PDE9A: variants seen among roughly 807,000 people sequenced by gnomAD.
PDE9A encodes the protein phosphodiesterase 9A.
In PDE9A, 60 loss-of-function variants were observed where a neutral mutation model predicts 87.4. The ratio of observed to expected loss-of-function variants is 0.69; its 90% CI spans 0.56 to 0.85. The LOEUF (loss-of-function observed/expected upper bound fraction) is 0.85. Among genes scored for constraint, PDE9A ranks in the 40% least tolerant of loss-of-function variants. PDE9A has a pLI of 0.00. For synonymous variants in PDE9A, 272 were observed against 279.4 expected, an observed-to-expected ratio of 0.97 and a Z score of 0.27; for missense variants, 665 against 779.0, an observed-to-expected ratio of 0.85 and a Z score of 1.74.
intron 19 of PDE9A, among the ~76,000 whole-genome samples, chr21:42,773,597 C>G (rs1049152176): frequency 6.6e-6 from 1 of 151,538 alleles, no homozygotes. Context: ...ACGAGGAGAT[C>G]GAGACCATCC....
At chr21:42,682,027 C>T (rs557859335) in intron 1 of PDE9A, among the ~76,000 whole-genome samples, 31 of 152,234 alleles carry the variant, frequency 2.0e-4, no homozygotes, top group Non-Finnish European at 2.9e-4. Flanking sequence ...GCGAAGAGCG[C>T]GGCTGTCCAA....
At chr21:42,726,624 A>ATATATATATATTTTTT in intron 4 of PDE9A, among the ~76,000 whole-genome samples, 8 of 19,776 alleles carry the variant, frequency 4.0e-4, no homozygotes, top group African/African-American at 1.7e-3. Context: ...ATATATATAT[A>ATATATATATATTTTTT]TTTTTTTTTT....
intron 19 of PDE9A, among the ~76,000 whole-genome samples, chr21:42,774,965 G>A (rs1051516062): frequency 1.1e-4 from 16 of 149,924 alleles, no homozygotes; most frequent in South Asian, 2.1e-4. Flanking sequence ...TTTGTGAGAC[G>A]GAGTCTCGCT....
intron 3 of PDE9A, among the ~76,000 whole-genome samples, chr21:42,693,298 TC>T (rs1343671157): frequency 7.8e-6 from 1 of 127,614 alleles, no homozygotes; most frequent in Non-Finnish European, 1.6e-5. Context: ...CACCCAGGAA[TC>T]TTTTTTTTTT....
In PDE9A at chr21:42,760,773, C is replaced by A; in HGVS notation, c.1003-52C>A. The A allele has an allele frequency of 6.9e-5, 67 of 971,126 alleles. No homozygotes were observed. Among genetic ancestry groups the A allele is most frequent in the Non-Finnish European group, 1.0e-4 (60 of 598,288 alleles). 60.2% of individuals were successfully genotyped at this position (971,126 alleles called of 1,614,324 possible). A position where few individuals can be genotyped will look rare whatever the true frequency, so the allele number is the denominator to read the frequency against. The stretch of plus-strand genomic sequence containing the variant: ...CCAATTCCACCCCCCCTCACCCCAT[C>A]CCACCCTCCGAGTGAAGAGAGCAAA... On this transcript the variant is annotated intron_variant, in intron 12 of 19. Coordinates refer to ENST00000291539, the MANE Select transcript of PDE9A (RefSeq NM_002606.3). The surrounding 1 kb of genome is among the most constrained non-coding windows in gnomAD (Gnocchi z 5.2).
chr21:42,653,965 G>T (rs1204143421), intron 1 of PDE9A, 82 bp downstream of exon 1: 2 of 784,974 alleles, frequency 2.5e-6, no homozygotes, highest in East Asian at 7.1e-5. Context: ...GGGACTGTCC[G>T]TGCGTCTGCC....
Position 42,769,554 on chromosome 21 carries a change from A to G in PDE9A, c.1590+399A>G, listed in dbSNP as rs879129463. On this transcript the variant is annotated intron_variant, in intron 17 of 19. Coordinates refer to ENST00000291539, the MANE Select transcript of PDE9A (RefSeq NM_002606.3). The stretch of plus-strand genomic sequence containing the variant: ...CACACACAGGCACACAAATGCACAC[A>G]CAGGCACACACACACACACACATGC... Among the ~76,000 whole-genome samples the G allele has an allele frequency of 1.9e-3, 203 of 108,628 alleles. 1 individual carries two copies. Among genetic ancestry groups the G allele is most frequent in the African/African-American group, 5.6e-3 (133 of 23,564 alleles). The allele number at this position is 108,628 out of a possible 152,430, so 71.3% of individuals were successfully genotyped here. A position where few individuals can be genotyped will look rare whatever the true frequency, so the allele number is the denominator to read the frequency against.
rs986558290 is a variant in PDE9A, at chr21:42,694,134, T to C, written c.219-4834T>C. On this transcript the variant is annotated intron_variant, in intron 3 of 19. Coordinates refer to ENST00000291539, the MANE Select transcript of PDE9A (RefSeq NM_002606.3). This position sits in a 1 kb window ranked among gnomAD's most constrained non-coding sequence, Gnocchi z 5.3. ...GCTGAAACATGCTGGGTAAACTCTT[T>C]GTTTCTTCCTAGCAGACAGCAGCCC... is the stretch of plus-strand genomic sequence containing the variant. Among the ~76,000 whole-genome samples, 2 of 152,180 alleles carry C rather than the reference T, an allele frequency of 1.3e-5. No homozygotes were observed. Among genetic ancestry groups the C allele is most frequent in the African/African-American group, 4.8e-5 (2 of 41,446 alleles).
At position 42,754,076 on chromosome 21, in the gene PDE9A, G is replaced by A. The variant is rs1301498049; in HGVS notation, c.810+12G>A. On this transcript the variant is annotated intron_variant, in intron 10 of 19. Coordinates refer to ENST00000291539, the MANE Select transcript of PDE9A (RefSeq NM_002606.3). Reference sequence around the variant, plus strand: ...GGGAGCCCAATGAGGTAAGTGCGGGGCTTGCAGGCACCACGTCCCAGGGGG... The same window carrying A: ...GGGAGCCCAATGAGGTAAGTGCGGGACTTGCAGGCACCACGTCCCAGGGGG... The A allele has an allele frequency of 1.3e-6, 2 of 1,598,728 alleles. No homozygotes were observed. Among genetic ancestry groups the A allele is most frequent in the Non-Finnish European group, 1.7e-6 (2 of 1,167,018 alleles).
chr21:42,712,708 G>C (rs1342360993), intron 4 of PDE9A, among the ~76,000 whole-genome samples: 1 of 152,144 alleles, frequency 6.6e-6, no homozygotes, highest in Non-Finnish European at 1.5e-5. Flanking sequence ...TTTTCTGAGA[G>C]TTTTTTGTCT....
chr21:42,678,545 TAAA>T (rs2058980640), intron 1 of PDE9A, among the ~76,000 whole-genome samples: 1 of 152,094 alleles, frequency 6.6e-6, no homozygotes, highest in African/African-American at 2.4e-5. Flanking sequence ...ACAACCACCT[TAAA>T]GAAGGGAAAG....
In PDE9A at chr21:42,692,093, G is replaced by A. The variant is rs954858352; in HGVS notation, c.218+4099G>A. Among the ~76,000 whole-genome samples the A allele has an allele frequency of 6.6e-6, 1 of 152,200 alleles. No homozygotes were observed. The highest frequency in any genetic ancestry group is 1.5e-5 in the Non-Finnish European group (1 of 68,034). On this transcript the variant is annotated intron_variant, in intron 3 of 19. Coordinates refer to ENST00000291539, the MANE Select transcript of PDE9A (RefSeq NM_002606.3). The surrounding 1 kb of genome is among the most constrained non-coding windows in gnomAD (Gnocchi z 4.3). The stretch of plus-strand genomic sequence containing the variant: ...CTCACTGCTGCTGGCCCCGCTGGAC[G>A]GTCTTCTCTCATAGGAAGGAAATTT...
intron 19 of PDE9A, 51 bp downstream of exon 19, chr21:42,772,571 C>A: frequency 8.0e-7 from 1 of 1,252,678 alleles, no homozygotes; most frequent in Non-Finnish European, 1.1e-6. Flanking sequence ...ATGATTCTGA[C>A]AAAGGACAGA....
At chr21:42,741,258 T>A (rs955436904) in intron 7 of PDE9A, 1 of 152,262 alleles carries the variant, frequency 6.6e-6, no homozygotes, top group African/African-American at 2.4e-5. Context: ...GGAGGCCACG[T>A]TGGGCTTCCC....
chr21:42,726,624 A>ATATATATATATATTT, intron 4 of PDE9A, among the ~76,000 whole-genome samples: 2 of 19,770 alleles, frequency 1.0e-4, no homozygotes, highest in Non-Finnish European at 1.5e-4. Flanking sequence ...ATATATATAT[A>ATATATATATATATTT]TTTTTTTTTT....
At chr21:42,698,872 G>T (rs1379204794) in intron 3 of PDE9A, 96 bp from the exon 4 acceptor site, 4 of 696,650 alleles carry the variant, frequency 5.7e-6, no homozygotes, top group East Asian at 2.7e-5. Context: ...CACCTAATCC[G>T]CTGATTTCTA....
intron 4 of PDE9A, among the ~76,000 whole-genome samples, chr21:42,726,650 G>A (rs2051146312): frequency 3.1e-5 from 1 of 32,090 alleles, no homozygotes; most frequent in African/African-American, 2.1e-4. Flanking sequence ...TTGTAGAGAT[G>A]GAGATCTCTC....
At chr21:42,689,437 C>A in intron 3 of PDE9A, 1 of 627,904 alleles carries the variant, frequency 1.6e-6, no homozygotes, top group Non-Finnish European at 2.0e-6. Context: ...TCAGCACCAG[C>A]TCCAGCCTGG....
At chr21:42,673,362 C>T (rs1023226029) in intron 1 of PDE9A, among the ~76,000 whole-genome samples, 7 of 152,134 alleles carry the variant, frequency 4.6e-5, no homozygotes, top group Non-Finnish European at 1.0e-4. Context: ...CCCAGGCCTG[C>T]CCAGGTGGAA....
Sources: allele counts gnomAD v4.1 joint callset (sites outside exome capture counted in the v4.1 genomes callset), GRCh38; gene constraint gnomAD v4.1.1; non-coding constraint Gnocchi (gnomAD v3.1); transcripts MANE v1.5; gene names NCBI Gene and HGNC (gene_info 2026-07-23, HGNC 2026-07-21).